GABRB1: variants seen among roughly 807,000 people sequenced by gnomAD.
GABRB1 encodes the protein gamma-aminobutyric acid type A receptor subunit beta1.
GABRB1 carries 17 observed loss-of-function variants against 51.6 expected under a neutral mutation model. The ratio of observed to expected loss-of-function variants is 0.33; its 90% CI spans 0.23 to 0.49. The LOEUF (loss-of-function observed/expected upper bound fraction) is 0.49, where lower values mean the gene tolerates loss of function less well. Among genes scored for constraint, GABRB1 ranks in the 20% least tolerant of loss-of-function variants. The pLI is 0.99. For missense variants in GABRB1, 410 were observed against 600.6 expected (o/e 0.68, Z 3.32); for synonymous variants, 247 against 218.9 (o/e 1.13, Z -1.14).
intron 8 of GABRB1, among the ~76,000 whole-genome samples, chr4:47,413,756 C>T (rs546751844): frequency 1.3e-4 from 20 of 152,260 alleles, no homozygotes; most frequent in African/African-American, 4.1e-4. Flanking sequence ...GGTATTTGTA[C>T]TGAAGCTTCA....
chr4:47,335,326 A>G lies in GABRB1; in HGVS notation c.544+15117A>G, dbSNP rs11935133. On this transcript the variant is annotated intron_variant, in intron 5 of 8. Transcript: ENST00000295454. ...TTCTTGTTGTTGTTGCCATTATTTT[A>G]TATCTTCCTCTTTGAATTTGTACAT... Among the ~76,000 whole-genome samples the G allele has an allele frequency of 7.4e-3, 1,132 of 152,196 alleles. 17 individuals are homozygous for G. The highest frequency in any genetic ancestry group is 0.026 in the African/African-American group (1,069 of 41,526).
intron 3 of GABRB1, among the ~76,000 whole-genome samples, chr4:47,131,253 A>G (rs956780638): frequency 2.0e-5 from 3 of 151,944 alleles, no homozygotes; most frequent in Non-Finnish European, 4.4e-5. Flanking sequence ...TCTGCCTCCA[A>G]ATTCAAGCGA....
intron 3 of GABRB1, among the ~76,000 whole-genome samples, chr4:47,047,585 T>G (rs1028868919): frequency 1.3e-5 from 2 of 152,106 alleles, no homozygotes; most frequent in Non-Finnish European, 2.9e-5. Flanking sequence ...CTAGTAACAT[T>G]TAAACATAGA....
At chr4:47,236,324 T>C (rs1721332468) in intron 4 of GABRB1, among the ~76,000 whole-genome samples, 2 of 152,030 alleles carry the variant, frequency 1.3e-5, no homozygotes, top group South Asian at 4.1e-4. Flanking sequence ...GTTTACAGTC[T>C]TGTAAAAAAA....
intron 4 of GABRB1, among the ~76,000 whole-genome samples, chr4:47,252,906 A>G (rs1722048094): frequency 6.6e-6 from 1 of 152,188 alleles, no homozygotes; most frequent in Non-Finnish European, 1.5e-5. Context: ...ATTACTTACC[A>G]AAACACAAAA....
intron 3 of GABRB1, among the ~76,000 whole-genome samples, chr4:47,112,110 C>T (rs1203149752): frequency 1.3e-5 from 2 of 151,892 alleles, no homozygotes; most frequent in African/African-American, 4.8e-5. Flanking sequence ...GCTGGGACTA[C>T]AGGCGTGTGC....
chr4:47,198,905 G>A (rs1407387005), intron 4 of GABRB1, among the ~76,000 whole-genome samples: 2 of 152,150 alleles, frequency 1.3e-5, no homozygotes, highest in Non-Finnish European at 2.9e-5. Flanking sequence ...CAGAGAAAGA[G>A]AAGGAGGAAC....
At chr4:47,080,138 T>A (rs1362236938) in intron 3 of GABRB1, among the ~76,000 whole-genome samples, 1 of 152,050 alleles carries the variant, frequency 6.6e-6, no homozygotes, top group Admixed American at 6.6e-5. Flanking sequence ...ATCTCTAATA[T>A]CAATCCAGAA....
chr4:47,089,675 C>T lies in GABRB1; in HGVS notation c.240+57191C>T, dbSNP rs141713300. 4.5e-3 allele frequency among the ~76,000 whole-genome samples: 681 copies of T among 151,868 alleles called. 6 individuals carry two copies. Among genetic ancestry groups the T allele is most frequent in the African/African-American group, 0.015 (638 of 41,398 alleles). Reference sequence around the variant, plus strand: ...AATATTCAGATTCAAATATTATAATCGAATAGTATAATCAAAATATTCAGA... The same window carrying T: ...AATATTCAGATTCAAATATTATAATTGAATAGTATAATCAAAATATTCAGA... On this transcript the variant is annotated intron_variant, in intron 3 of 8. Coordinates refer to ENST00000295454, the MANE Select transcript of GABRB1 (RefSeq NM_000812.4).
intron 3 of GABRB1, among the ~76,000 whole-genome samples, chr4:47,136,902 A>G (rs1322888576): frequency 1.3e-5 from 2 of 152,136 alleles, no homozygotes; most frequent in Non-Finnish European, 2.9e-5. Flanking sequence ...GAACAATATC[A>G]TTATAGCAAA....
intron 4 of GABRB1, among the ~76,000 whole-genome samples, chr4:47,173,434 A>T (rs1422948806): frequency 6.6e-6 from 1 of 152,190 alleles, no homozygotes; most frequent in Non-Finnish European, 1.5e-5. Context: ...CCAGCACAAC[A>T]GACATAGGGC....
intron 4 of GABRB1, among the ~76,000 whole-genome samples, chr4:47,164,894 C>A (rs370487832): frequency 3.3e-5 from 5 of 152,068 alleles, no homozygotes. Flanking sequence ...TTGGGAGAGA[C>A]TTCATTCCTT....
chr4:47,241,425 A>C (rs1426928817), intron 4 of GABRB1, among the ~76,000 whole-genome samples: 1 of 152,154 alleles, frequency 6.6e-6, no homozygotes, highest in Non-Finnish European at 1.5e-5. Flanking sequence ...GGAAGACCAC[A>C]AATGTGCTTT....
At chr4:47,401,458 C>A (rs1312852055) in intron 5 of GABRB1, among the ~76,000 whole-genome samples, 1 of 152,122 alleles carries the variant, frequency 6.6e-6, no homozygotes, top group African/African-American at 2.4e-5. Context: ...GCCCAACAGC[C>A]CCTTCACCCA....
intron 4 of GABRB1, among the ~76,000 whole-genome samples, chr4:47,256,109 G>A (rs1203810819): frequency 1.3e-5 from 2 of 152,202 alleles, no homozygotes; most frequent in African/African-American, 4.8e-5. Context: ...ATAATTCAGA[G>A]CAGAGATGAT....
intron 4 of GABRB1, among the ~76,000 whole-genome samples, chr4:47,295,239 C>T (rs55935070): frequency 0.3 from 44,940 of 152,046 alleles, 7,520 homozygotes; most frequent in Middle Eastern, 0.41. Flanking sequence ...TCACCAGCAA[C>T]GGAACAAAGC....
At chr4:47,368,813 A>G (rs980547190) in intron 5 of GABRB1, among the ~76,000 whole-genome samples, 4 of 152,140 alleles carry the variant, frequency 2.6e-5, no homozygotes, top group African/African-American at 9.7e-5. Flanking sequence ...AACTTTCATA[A>G]AAAGTTGCTC....
At chr4:47,066,289 G>T (rs1727078942) in intron 3 of GABRB1, among the ~76,000 whole-genome samples, 1 of 152,198 alleles carries the variant, frequency 6.6e-6, no homozygotes, top group African/African-American at 2.4e-5. Flanking sequence ...TTGCCTTGAT[G>T]TTGATGTCTG....
intron 1 of GABRB1, among the ~76,000 whole-genome samples, chr4:46,995,078 G>T (rs1056204447): frequency 2.0e-5 from 3 of 152,074 alleles, no homozygotes; most frequent in Non-Finnish European, 4.4e-5. Context: ...CATAGACTGT[G>T]GTCTCTCTGA....
Sources: gnomAD v4.1 joint callset for allele counts (sites outside exome capture counted in the v4.1 genomes callset) on GRCh38, gnomAD v4.1.1 for gene constraint, MANE v1.5 for transcripts, NCBI Gene and HGNC (gene_info 2026-07-23, HGNC 2026-07-21) for gene names.